The following CFLAR variants were observed in gnomAD, a reference collection of about 807,000 sequenced individuals.
CFLAR encodes CASP8 and FADD like apoptosis regulator, also known as CASP8 and FADD-like apoptosis regulator.
A neutral mutation model predicts 51.1 loss-of-function variants in CFLAR; 14 were observed. The observed-to-expected ratio is 0.27, with a 90% confidence interval of 0.18 to 0.43. CFLAR has a LOEUF of 0.43. Among genes scored for constraint, CFLAR ranks in the 20% least tolerant of loss-of-function variants. The pLI is 1.00. For synonymous variants in CFLAR, 210 were observed against 211.6 expected, an observed-to-expected ratio of 0.99 and a Z score of 0.06; for missense variants, 390 against 566.5, an observed-to-expected ratio of 0.69 and a Z score of 3.16.
At chr2:201,155,447 A>G (rs1942006431) in intron 8 of CFLAR, among the ~76,000 whole-genome samples, 1 of 151,822 alleles carries the variant, frequency 6.6e-6, no homozygotes, top group Non-Finnish European at 1.5e-5. Context: ...GTATTTTTGT[A>G]GAGATGGGGT....
chr2:201,138,766 CTG>C lies in CFLAR; in HGVS notation c.524-1590_524-1589del. 1.3e-6 allele frequency: 1 copy of C among 770,284 alleles called. No homozygotes were observed. Among genetic ancestry groups the C allele is most frequent in the Middle Eastern group, 3.6e-4 (1 of 2,788 alleles). 47.7% of individuals were successfully genotyped at this position (770,284 alleles called of 1,614,324 possible). A position where few individuals can be genotyped will look rare whatever the true frequency, so the allele number is the denominator to read the frequency against. On this transcript the variant is annotated intron_variant, in intron 4 of 9. Transcript: ENST00000309955. This position sits in a 1 kb window ranked among gnomAD's most constrained non-coding sequence, Gnocchi z 4.0. ...TTCTGCACCTCACTGGCCTGGAACT[CTG>C]GGGTGCAGTTGTGGTGAATGAAACC... is the stretch of plus-strand genomic sequence containing the variant.
rs1390452827 is a variant in CFLAR, at chr2:201,160,915, G to T, written c.1277G>T (p.Cys426Phe). The change falls in exon 9 of 10, where the codon TGC becomes TTC. Residue 426 changes from cysteine to phenylalanine, a missense_variant. Cys to Phe is a radical substitution (Grantham distance 205). This residue lies in a region of CFLAR where 287 missense variants were observed against 363.6 expected (regional missense o/e 0.79). Coordinates refer to ENST00000309955, the MANE Select transcript of CFLAR (RefSeq NM_003879.7). The part of the protein sequence containing the change: ...SHSSPSLYLQ[C>F]LSQKLRQERK... ...AGCTCACCATCCCTGTACCTGCAGT[G>T]CCTCTCCCAGAAACTGAGACAAGAA... The T allele has an allele frequency of 6.2e-7, 1 of 1,612,640 alleles. No individual in the cohort carries two copies. Among genetic ancestry groups the T allele is most frequent in the South Asian group, 1.1e-5 (1 of 91,048 alleles).
intron 2 of CFLAR, 41 bp downstream of exon 2, chr2:201,130,187 G>GGGGGGGGGGGGGGC: frequency 2.7e-5 from 8 of 292,366 alleles, no homozygotes; most frequent in East Asian, 9.3e-5. Flanking sequence ...GGGTGGGAGG[G>GGGGGGGGGGGGGGC]AGTGAAGTGT....
intron 4 of CFLAR, 73 bp from the exon 5 acceptor site, chr2:201,140,284 T>C: frequency 2.1e-5 from 33 of 1,564,636 alleles, no homozygotes; most frequent in Non-Finnish European, 2.9e-5. Context: ...GACCTTGGAC[T>C]GAACCACTAT....
chr2:201,132,578 G>A (rs2049475975), intron 2 of CFLAR, among the ~76,000 whole-genome samples: 1 of 152,078 alleles, frequency 6.6e-6, no homozygotes, highest in South Asian at 2.1e-4. Flanking sequence ...GGTATCTCAG[G>A]TATTTCTTTC....
chr2:201,155,906 C>T (rs1185884784), intron 8 of CFLAR, among the ~76,000 whole-genome samples: 1 of 152,152 alleles, frequency 6.6e-6, no homozygotes, highest in East Asian at 1.9e-4. Flanking sequence ...ACTACAGGCA[C>T]ATGCTATCAT....
chr2:201,117,001 A>G (rs930059379), intron 1 of CFLAR: 3 of 151,796 alleles, frequency 2.0e-5, no homozygotes, highest in African/African-American at 7.3e-5. Flanking sequence ...TGAGAGTTCA[A>G]TTCTTGGGGT....
At chr2:201,125,512 G>A (rs2048591367) in intron 1 of CFLAR, among the ~76,000 whole-genome samples, 1 of 152,056 alleles carries the variant, frequency 6.6e-6, no homozygotes, top group African/African-American at 2.4e-5. Flanking sequence ...GATTAGTAGA[G>A]ACAGGAGGGC....
intron 8 of CFLAR, among the ~76,000 whole-genome samples, chr2:201,157,547 T>A (rs1559242568): frequency 6.6e-6 from 1 of 152,102 alleles, no homozygotes; most frequent in Non-Finnish European, 1.5e-5. Flanking sequence ...TGGCTAGTTT[T>A]TTTATTTTTT....
intron 3 of CFLAR, among the ~76,000 whole-genome samples, chr2:201,134,174 G>T (rs1235660240): frequency 6.6e-6 from 1 of 151,874 alleles, no homozygotes; most frequent in Non-Finnish European, 1.5e-5. Flanking sequence ...GCCGGGCGTG[G>T]TGGTAGGCAC....
chr2:201,147,178 G>A (rs908919209), intron 6 of CFLAR, among the ~76,000 whole-genome samples: 3 of 152,160 alleles, frequency 2.0e-5, no homozygotes, highest in Non-Finnish European at 4.4e-5. Context: ...CTATGATCCT[G>A]TTAGGAGAGC....
intron 5 of CFLAR, among the ~76,000 whole-genome samples, chr2:201,142,199 T>A (rs1273256481): frequency 2.6e-5 from 4 of 151,846 alleles, no homozygotes; most frequent in Admixed American, 6.6e-5. Flanking sequence ...TGCTTGAGCC[T>A]GGGAGGTTGA....
intron 1 of CFLAR, among the ~76,000 whole-genome samples, chr2:201,128,402 A>C (rs2048914361): frequency 6.6e-6 from 1 of 152,176 alleles, no homozygotes. Flanking sequence ...ATTTTAGTAA[A>C]TTTAACTTAG....
chr2:201,125,691 C>T (rs886736210), intron 1 of CFLAR, among the ~76,000 whole-genome samples: 6 of 151,860 alleles, frequency 4.0e-5, no homozygotes, highest in Non-Finnish European at 8.8e-5. Context: ...TTCCCACACT[C>T]CTTGAAGGGT....
In CFLAR at chr2:201,176,685, C is replaced by G. The variant is rs966289887; in HGVS notation, c.*12712C>G. The G allele has an allele frequency of 6.6e-6, 1 of 152,056 alleles. No homozygotes were observed. The highest frequency in any genetic ancestry group is 1.5e-5 in the Non-Finnish European group (1 of 68,020). The allele number at this position is 152,056 out of a possible 1,614,324, so 9.4% of individuals were successfully genotyped here. ...AGCATTAAAACTGTTTTACTCAGAC[C>G]AAGTGCCGTGGCTCATGCCTGTAAT... On this transcript the variant is annotated 3_prime_UTR_variant, in exon 10 of 10. Coordinates refer to ENST00000309955, the MANE Select transcript of CFLAR (RefSeq NM_003879.7).
At chr2:201,154,150 G>A in intron 8 of CFLAR, 1 of 285,520 alleles carries the variant, frequency 3.5e-6, no homozygotes, top group Non-Finnish European at 7.0e-6. Flanking sequence ...GGAGTGCAAT[G>A]GCGCAATCTC....
At chr2:201,141,383 C>T (rs773138912) in intron 5 of CFLAR, 52 of 1,558,704 alleles carry the variant, frequency 3.3e-5, no homozygotes, top group Middle Eastern at 1.7e-4. Context: ...GATGATAACA[C>T]CCTATGCCCA....
intron 1 of CFLAR, among the ~76,000 whole-genome samples, chr2:201,119,863 G>A (rs1285742295): frequency 7.0e-6 from 1 of 142,450 alleles, no homozygotes; most frequent in Non-Finnish European, 1.5e-5. Context: ...TTTCACACAT[G>A]TGCGCTCTCA....
rs1289269439 is a variant in CFLAR, at chr2:201,168,223, C to T, written c.*4250C>T. The T allele has an allele frequency of 6.6e-6, 1 of 152,244 alleles. No individual in the cohort carries two copies. The highest frequency in any genetic ancestry group is 1.9e-4 in the East Asian group (1 of 5,184). The allele number at this position is 152,244 out of a possible 1,614,324, so 9.4% of individuals were successfully genotyped here. The stretch of plus-strand genomic sequence containing the variant: ...TGCCACTGCACTCCAGCCTGGGCGA[C>T]AGTGCGAGACTCTGTCTCAAAAATA... On this transcript the variant is annotated 3_prime_UTR_variant, in exon 10 of 10. Coordinates refer to ENST00000309955, the MANE Select transcript of CFLAR (RefSeq NM_003879.7).
Sources: gnomAD v4.1 joint callset for allele counts (sites outside exome capture counted in the v4.1 genomes callset) on GRCh38, gnomAD v4.1.1 for gene constraint, gnomAD v4.1.1 regional missense constraint, Gnocchi (gnomAD v3.1) non-coding constraint, MANE v1.5 for transcripts, NCBI Gene and HGNC (gene_info 2026-07-23, HGNC 2026-07-21) for gene names.